ZNF777: variants seen among roughly 807,000 people sequenced by gnomAD.
ZNF777 encodes zinc finger protein 777.
ZNF777 carries 7 observed loss-of-function variants against 72.1 expected under a neutral mutation model. The observed-to-expected ratio is 0.10, with a 90% CI of 0.06 to 0.18. ZNF777 has a LOEUF of 0.18. Among genes scored for constraint, ZNF777 ranks in the 10% least tolerant of loss-of-function variants. The pLI is 1.00. For synonymous variants in ZNF777, 545 were observed against 483.5 expected (o/e 1.13, Z -1.67); for missense variants, 828 against 1,128.6 (o/e 0.73, Z 3.82).
intron 2 of ZNF777, among the ~76,000 whole-genome samples, chr7:149,454,938 A>C (rs1217638200): frequency 6.6e-6 from 1 of 152,126 alleles, no homozygotes; most frequent in Non-Finnish European, 1.5e-5. Flanking sequence ...CTCTCACACC[A>C]TGGACAGCTC....
chr7:149,454,591 C>G (rs1799784678), intron 2 of ZNF777, among the ~76,000 whole-genome samples: 1 of 152,188 alleles, frequency 6.6e-6, no homozygotes, highest in South Asian at 2.1e-4. Flanking sequence ...GGCTAGAGAA[C>G]AGAGTCTGTT....
chr7:149,451,123 G>GA lies in ZNF777; in HGVS notation c.974-12dup. The GA allele has an allele frequency of 3.1e-6, 5 of 1,610,732 alleles. No homozygotes were observed. Among genetic ancestry groups the GA allele is most frequent in the Non-Finnish European group, 4.2e-6 (5 of 1,178,062 alleles). On this transcript the variant is annotated splice_polypyrimidine_tract_variant and intron_variant, in intron 3 of 5. Coordinates refer to ENST00000247930, the MANE Select transcript of ZNF777 (RefSeq NM_015694.3). ...TGGAAATTGCATAGTCTAGGCAGAA[G>GA]AAAGGGAAAAAAATATGCTCTGGGA...
intron 3 of ZNF777, among the ~76,000 whole-genome samples, chr7:149,452,423 A>G (rs534060614): frequency 2.0e-5 from 3 of 151,770 alleles, no homozygotes; most frequent in South Asian, 2.1e-4. Context: ...AAGGTCAGGA[A>G]ATCAAGACCA....
At position 149,432,891 on chromosome 7, in the gene ZNF777, C is replaced by G; in HGVS notation, c.1381G>C (p.Glu461Gln). 6.5e-7 allele frequency: 1 copy of G among 1,532,812 alleles called. No individual in the cohort carries two copies. The highest frequency in any genetic ancestry group is 8.8e-7 in the Non-Finnish European group (1 of 1,141,030). 95.0% of individuals were successfully genotyped at this position (1,532,812 alleles called of 1,614,324 possible). A position where few individuals can be genotyped will look rare whatever the true frequency, so the allele number is the denominator to read the frequency against. Residue 461 changes from glutamate to glutamine, a missense_variant, in exon 6 of 6, where the codon GAA becomes CAA. Coordinates refer to ENST00000247930, the MANE Select transcript of ZNF777 (RefSeq NM_015694.3). ...IKTEEQDEEEEEEEEDELPQH... is the reference protein window; with the variant it reads ...IKTEEQDEEEQEEEEDELPQH... The stretch of plus-strand genomic sequence containing the variant: ...GGCAGCTCATCCTCCTCCTCCTCTT[C>G]TTCCTCCTCGTCTTGTTCCTCTGTC...
At chr7:149,450,669 C>G (rs974412536) in intron 4 of ZNF777, among the ~76,000 whole-genome samples, 8 of 152,212 alleles carry the variant, frequency 5.3e-5, no homozygotes, top group African/African-American at 1.9e-4. Flanking sequence ...GCCCTTTTCT[C>G]GGAAGTTCCA....
chr7:149,439,328 G>A (rs1179537797), intron 4 of ZNF777, among the ~76,000 whole-genome samples: 1 of 152,022 alleles, frequency 6.6e-6, no homozygotes, highest in Non-Finnish European at 1.5e-5. Flanking sequence ...AAAATATTTT[G>A]CTTGCTTACA....
In ZNF777 at chr7:149,455,805, T is replaced by C. The variant is rs768359868; in HGVS notation, c.218A>G (p.His73Arg). 4 of 1,612,628 alleles carry C rather than the reference T, an allele frequency of 2.5e-6. No homozygotes were observed. The highest frequency in any genetic ancestry group is 3.4e-6 in the Non-Finnish European group (4 of 1,178,942). ...PKQETSGRMP[H>R]VLQKGPSLLC... Reference sequence around the variant, plus strand: ...GAGTGAGGGTCCCTTCTGGAGCACATGTGGCATCCGGCCAGAAGTCTCTTG... The same window carrying C: ...GAGTGAGGGTCCCTTCTGGAGCACACGTGGCATCCGGCCAGAAGTCTCTTG... Residue 73 changes from histidine to arginine, a missense_variant, in exon 2 of 6, where the codon CAT becomes CGT. His to Arg is a conservative substitution (Grantham distance 29). This residue lies in a region of ZNF777 where 222 missense variants were observed against 211.2 expected (regional missense o/e 1.05). Coordinates refer to ENST00000247930, the MANE Select transcript of ZNF777 (RefSeq NM_015694.3). The surrounding 1 kb of genome is among the most constrained non-coding windows in gnomAD (Gnocchi z 4.2).
rs909092825 is a variant in ZNF777, at chr7:149,455,915, G to A, written c.108C>T (p.Arg36=). ...GLPRETLFQS[R]VLPPKEIPSL... is the part of the protein sequence containing the mutation. ...AAGGAATTTCTTTGGGAGGAAGAAC[G>A]CGGGATTGGAACAGAGTTTCTCGGG... Residue 36 remains arginine (R), a synonymous_variant, in exon 2 of 6, where the codon CGC becomes CGT. Coordinates refer to ENST00000247930, the MANE Select transcript of ZNF777 (RefSeq NM_015694.3). This position sits in a 1 kb window ranked among gnomAD's most constrained non-coding sequence, Gnocchi z 4.2. The A allele has an allele frequency of 1.4e-5, 23 of 1,613,726 alleles. No individual in the cohort carries two copies. The highest frequency in any genetic ancestry group is 1.9e-5 in the Non-Finnish European group (23 of 1,179,980).
chr7:149,454,279 A>C (rs2116604725), intron 2 of ZNF777, 42 bp from the exon 3 acceptor site: 1 of 1,612,180 alleles, frequency 6.2e-7, no homozygotes, highest in South Asian at 1.1e-5. Context: ...GCTGGAAGGC[A>C]GTGACAGGCC....
At chr7:149,451,233 A>T in intron 3 of ZNF777, 121 bp from the exon 4 acceptor site, 1 of 792,894 alleles carries the variant, frequency 1.3e-6, no homozygotes, top group Non-Finnish European at 2.0e-6. Context: ...CACAATGGAA[A>T]ACCGCCAAGT....
intron 4 of ZNF777, among the ~76,000 whole-genome samples, chr7:149,439,716 T>C (rs773802645): frequency 1.3e-5 from 2 of 152,214 alleles, no homozygotes; most frequent in Non-Finnish European, 2.9e-5. Flanking sequence ...AAAATGTGTA[T>C]GTAAGTTGAA....
intron 4 of ZNF777, among the ~76,000 whole-genome samples, chr7:149,449,022 T>C (rs1032223129): frequency 6.6e-6 from 1 of 152,232 alleles, no homozygotes; most frequent in African/African-American, 2.4e-5. Context: ...ATACTTTTGG[T>C]CTGGCCCATG....
chr7:149,436,516 G>A lies in ZNF777; in HGVS notation c.1339+59C>T, dbSNP rs906276226. The A allele has an allele frequency of 6.6e-7, 1 of 1,526,082 alleles. No individual in the cohort carries two copies. Among genetic ancestry groups the A allele is most frequent in the Non-Finnish European group, 8.8e-7 (1 of 1,135,346 alleles). 94.5% of individuals were successfully genotyped at this position (1,526,082 alleles called of 1,614,324 possible). A position where few individuals can be genotyped will look rare whatever the true frequency, so the allele number is the denominator to read the frequency against. On this transcript the variant is annotated intron_variant, in intron 5 of 5. Transcript: ENST00000247930. This position sits in a 1 kb window ranked among gnomAD's most constrained non-coding sequence, Gnocchi z 5.0. ...GGAACCACAGCTTTCCCAGGGGGCA[G>A]GGGCCCTCTGGGAGGCCTCATGGCA...
chr7:149,437,919 G>A (rs1286083900), intron 4 of ZNF777, among the ~76,000 whole-genome samples: 1 of 143,464 alleles, frequency 7.0e-6, no homozygotes, highest in Non-Finnish European at 1.5e-5. Flanking sequence ...TCGCTCTGTT[G>A]CCCAGGCTGG....
At chr7:149,448,992 G>A (rs1489318379) in intron 4 of ZNF777, among the ~76,000 whole-genome samples, 1 of 152,154 alleles carries the variant, frequency 6.6e-6, no homozygotes, top group Non-Finnish European at 1.5e-5. Context: ...CAATTTTCTG[G>A]ACTTTTACCC....
Position 149,432,947 on chromosome 7 carries a change from G to A in ZNF777, c.1340-15C>T, listed in dbSNP as rs1430812712. The A allele has an allele frequency of 4.8e-6, 7 of 1,455,960 alleles. No individual in the cohort carries two copies. Among genetic ancestry groups the A allele is most frequent in the Non-Finnish European group, 6.4e-6 (7 of 1,101,078 alleles). 90.2% of individuals were successfully genotyped at this position (1,455,960 alleles called of 1,614,324 possible). On this transcript the variant is annotated splice_polypyrimidine_tract_variant and intron_variant, in intron 5 of 5. Transcript: ENST00000247930. ...CACGATCCCCTCTGCTCCAGGGACA[G>A]AGAGAGAAAGTCGTTAGCTGCTGCC...
Position 149,453,197 on chromosome 7 carries a change from T to G in ZNF777, c.973+914A>C, listed in dbSNP as rs529212994. Among the ~76,000 whole-genome samples, 3 of 151,912 alleles carry G rather than the reference T, an allele frequency of 2.0e-5. No individual in the cohort carries two copies. In the East Asian group the frequency reaches 5.8e-4, roughly 29 times the overall value. ...GTTCATGGTGGTTACCTCTGGGGAG[T>G]GGTACTGGTGAATGGGTGGTGGTTG... is the stretch of plus-strand genomic sequence containing the variant. On this transcript the variant is annotated intron_variant, in intron 3 of 5. Transcript: ENST00000247930.
Position 149,431,718 on chromosome 7 carries a change from T to A in ZNF777, c.*58A>T, listed in dbSNP as rs527253061. The A allele has an allele frequency of 1.8e-4, 220 of 1,231,404 alleles. 2 individuals are homozygous for A. The South Asian group carries it at 3.6e-3, about 20-fold the overall frequency. The allele number at this position is 1,231,404 out of a possible 1,614,324, so 76.3% of individuals were successfully genotyped here. On this transcript the variant is annotated 3_prime_UTR_variant, in exon 6 of 6. Coordinates refer to ENST00000247930, the MANE Select transcript of ZNF777 (RefSeq NM_015694.3). Reference sequence around the variant, plus strand: ...CGCCCGCTGGGCTCGGGCCTGGCGGTGTCCGAGGGGGGGCACGGCCCGCGC... The same window carrying A: ...CGCCCGCTGGGCTCGGGCCTGGCGGAGTCCGAGGGGGGGCACGGCCCGCGC...
intron 4 of ZNF777, among the ~76,000 whole-genome samples, chr7:149,448,312 G>A (rs1799640554): frequency 6.6e-6 from 1 of 150,672 alleles, no homozygotes; most frequent in African/African-American, 2.5e-5. Flanking sequence ...CTAAAGAAAA[G>A]TAAAAAAATT....
Sources: allele counts gnomAD v4.1 joint callset (sites outside exome capture counted in the v4.1 genomes callset), GRCh38; gene constraint gnomAD v4.1.1; regional missense constraint gnomAD v4.1.1; non-coding constraint Gnocchi (gnomAD v3.1); transcripts MANE v1.5; gene names NCBI Gene and HGNC (gene_info 2026-07-23, HGNC 2026-07-21).